ELL: variants seen among roughly 807,000 people sequenced by gnomAD.
The protein encoded by ELL is elongation factor for RNA polymerase II.
A neutral mutation model predicts 64.0 loss-of-function variants in ELL; 18 were observed. That is an observed-to-expected ratio of 0.28 (90% CI 0.19 to 0.42). The LOEUF (loss-of-function observed/expected upper bound fraction) is 0.42, where lower values mean the gene tolerates loss of function less well. ELL is among the 10% of genes least tolerant of loss of function. The pLI is 1.00. For missense variants in ELL, 797 were observed against 870.4 expected (o/e 0.92, Z 1.06); for synonymous variants, 399 against 376.2 (o/e 1.06, Z -0.70).
At chr19:18,509,427 G>T (rs1183242308) in intron 1 of ELL, among the ~76,000 whole-genome samples, 1 of 152,098 alleles carries the variant, frequency 6.6e-6, no homozygotes, top group Non-Finnish European at 1.5e-5. Flanking sequence ...TCCTGGTGGG[G>T]AGTCACCCTT....
Position 18,450,856 on chromosome 19 carries a change from A to G in ELL, c.1086T>C (p.Arg362=). 6.3e-7 allele frequency: 1 copy of G among 1,590,596 alleles called. No individual in the cohort carries two copies. Among genetic ancestry groups the G allele is most frequent in the South Asian group, 1.1e-5 (1 of 89,028 alleles). ...GGCCCGGGGTGGGCAGCAAGGCCTCACGGCCATTGGGCACGCCCAGCTTCC... is the reference window on the plus strand; with the variant it reads ...GGCCCGGGGTGGGCAGCAAGGCCTCGCGGCCATTGGGCACGCCCAGCTTCC... ...VNGKLGVPNG[R]EALLPTPGPP... The change falls in exon 8 of 12, where the codon CGT becomes CGC. Residue 362 remains arginine, a synonymous_variant. Coordinates refer to ENST00000262809, the MANE Select transcript of ELL (RefSeq NM_006532.4).
At chr19:18,505,644 G>A (rs1210655673) in intron 1 of ELL, among the ~76,000 whole-genome samples, 1 of 152,178 alleles carries the variant, frequency 6.6e-6, no homozygotes, top group Non-Finnish European at 1.5e-5. Flanking sequence ...TGTGTGACTG[G>A]CGCCTTGCAA....
chr19:18,474,637 G>A (rs553616467), intron 1 of ELL, among the ~76,000 whole-genome samples: 57 of 152,384 alleles, frequency 3.7e-4, no homozygotes, highest in African/African-American at 1.3e-3. Context: ...TCCAAGACCA[G>A]GAAACAGCTG....
intron 1 of ELL, among the ~76,000 whole-genome samples, chr19:18,486,787 A>C (rs1273299751): frequency 2.0e-5 from 3 of 152,218 alleles, no homozygotes; most frequent in Non-Finnish European, 4.4e-5. Flanking sequence ...GCACCCTTCA[A>C]GGCATGACCC....
chr19:18,486,126 C>G (rs1975410267), intron 1 of ELL, among the ~76,000 whole-genome samples: 1 of 152,164 alleles, frequency 6.6e-6, no homozygotes, highest in African/African-American at 2.4e-5. Flanking sequence ...GCAACAAGCC[C>G]CACAGCACAA....
chr19:18,445,175 C>T, intron 11 of ELL, 49 bp downstream of exon 11: 1 of 1,611,446 alleles, frequency 6.2e-7, no homozygotes, highest in African/African-American at 1.3e-5. Context: ...CTCCTCCCTC[C>T]AGCTCCCATG....
chr19:18,489,486 G>A (rs1034827416), intron 1 of ELL, among the ~76,000 whole-genome samples: 2 of 152,154 alleles, frequency 1.3e-5, no homozygotes, highest in African/African-American at 4.8e-5. Flanking sequence ...GTTCTTGGCT[G>A]CTGCCATCCA....
At chr19:18,509,298 A>G (rs1386405278) in intron 1 of ELL, among the ~76,000 whole-genome samples, 1 of 152,008 alleles carries the variant, frequency 6.6e-6, no homozygotes, top group Non-Finnish European at 1.5e-5. Context: ...GATCCACAGC[A>G]GGAAGCTCAT....
chr19:18,501,752 C>T lies in ELL; in HGVS notation c.135+20169G>A, dbSNP rs1357107338. ...CAAAAGAAACTTGAAACCACCAATCCAGGCAAATTCGGACTCTCCCACAAA... is the reference window on the plus strand; with the variant it reads ...CAAAAGAAACTTGAAACCACCAATCTAGGCAAATTCGGACTCTCCCACAAA... On this transcript the variant is annotated intron_variant, in intron 1 of 11. Coordinates refer to ENST00000262809, the MANE Select transcript of ELL (RefSeq NM_006532.4). The surrounding 1 kb of genome is among the most constrained non-coding windows in gnomAD (Gnocchi z 4.5). Among the ~76,000 whole-genome samples, 4 of 152,162 alleles carry T rather than the reference C, an allele frequency of 2.6e-5. No individual in the cohort carries two copies. Among genetic ancestry groups the T allele is most frequent in the Non-Finnish European group, 5.9e-5 (4 of 68,034 alleles).
chr19:18,458,141 C>G (rs3746176), intron 6 of ELL, 64 bp downstream of exon 6: 219,560 of 1,586,618 alleles, frequency 0.14, 15,958 homozygotes, highest in South Asian at 0.21. Flanking sequence ...CCAGCATCCT[C>G]TGGGTAAGCT....
intron 1 of ELL, among the ~76,000 whole-genome samples, chr19:18,505,784 G>C (rs1275579564): frequency 6.6e-6 from 1 of 152,084 alleles, no homozygotes. Flanking sequence ...AACACCCCAC[G>C]GACAGGAAAG....
At chr19:18,445,478 A>G in intron 10 of ELL, 1 of 365,100 alleles carries the variant, frequency 2.7e-6, no homozygotes, top group Non-Finnish European at 5.3e-6. Flanking sequence ...CCTGGAGGCA[A>G]TAGCAGGTGG....
intron 1 of ELL, among the ~76,000 whole-genome samples, chr19:18,519,806 CAAAAAAA>C (rs1183522203): frequency 3.2e-5 from 2 of 63,016 alleles, no homozygotes; most frequent in Admixed American, 3.5e-4. Flanking sequence ...AACTCCATCT[CAAAAAAA>C]AAAAAAAAAA....
intron 2 of ELL, among the ~76,000 whole-genome samples, chr19:18,466,514 T>C (rs111728557): frequency 0.026 from 3,930 of 152,268 alleles, 107 homozygotes; most frequent in African/African-American, 0.071. Flanking sequence ...AAGCCTGTCA[T>C]GGGTCACACC....
At chr19:18,472,657 C>G (rs28521999) in intron 2 of ELL, 178 bp downstream of exon 2, 3 of 702,558 alleles carry the variant, frequency 4.3e-6, no homozygotes. Context: ...GCACCCGACA[C>G]GTCCTGGTGT....
chr19:18,458,948 G>A (rs957914952), intron 5 of ELL, among the ~76,000 whole-genome samples: 3 of 151,048 alleles, frequency 2.0e-5, no homozygotes, highest in Non-Finnish European at 2.9e-5. Context: ...GAGTGCAGTG[G>A]TGTGATCAAG....
chr19:18,448,764 C>G (rs1324946189), intron 8 of ELL: 1 of 152,230 alleles, frequency 6.6e-6, no homozygotes, highest in Non-Finnish European at 1.5e-5. Flanking sequence ...CTTCAAAGTC[C>G]AGCCCTTGGC....
At chr19:18,505,314 A>G (rs1457883625) in intron 1 of ELL, among the ~76,000 whole-genome samples, 1 of 152,176 alleles carries the variant, frequency 6.6e-6, no homozygotes, top group African/African-American at 2.4e-5. Context: ...AGCTTTTGCT[A>G]TTCTTCTCTA....
Position 18,451,645 on chromosome 19 carries a change from C to T in ELL, c.873G>A (p.Lys291=). The part of the protein sequence containing the change: ...QQLLKRVLVR[K]LCQPQSTGSL... ...TGCCAGTGCTCTGTGGCTGGCACAG[C>T]TTCCTGCGAAGGAGAGGCAGGGCTA... Residue 291 remains lysine (K), a synonymous_variant, in exon 7 of 12, where the codon AAG becomes AAA. Transcript: ENST00000262809. 1 of 1,497,146 alleles carries T rather than the reference C, an allele frequency of 6.7e-7. No homozygotes were observed. Among genetic ancestry groups the T allele is most frequent in the Non-Finnish European group, 8.9e-7 (1 of 1,129,662 alleles). 92.7% of individuals were successfully genotyped at this position (1,497,146 alleles called of 1,614,324 possible). A position where few individuals can be genotyped will look rare whatever the true frequency, so the allele number is the denominator to read the frequency against.
Sources: gnomAD v4.1 joint callset for allele counts (sites outside exome capture counted in the v4.1 genomes callset) on GRCh38, gnomAD v4.1.1 for gene constraint, Gnocchi (gnomAD v3.1) non-coding constraint, MANE v1.5 for transcripts, NCBI Gene and HGNC (gene_info 2026-07-23, HGNC 2026-07-21) for gene names.